The following AGPAT3 variants were observed in gnomAD, a reference collection of about 807,000 sequenced individuals.
AGPAT3 encodes 1-acylglycerol-3-phosphate O-acyltransferase 3, also known as 1-acyl-sn-glycerol-3-phosphate acyltransferase gamma.
AGPAT3 carries 5 observed loss-of-function variants against 47.3 expected under a neutral mutation model. The observed-to-expected ratio is 0.11, with a 90% CI of 0.06 to 0.22. AGPAT3 has a LOEUF of 0.22. Among genes scored for constraint, AGPAT3 ranks in the 10% least tolerant of loss-of-function variants. The probability of loss-of-function intolerance (pLI) is 1.00; values close to 1 mark genes in which losing one functional copy is unlikely to be tolerated. For missense variants in AGPAT3, 315 were observed against 493.0 expected (o/e 0.64, Z 3.42); for synonymous variants, 212 against 208.3 (o/e 1.02, Z -0.15).
chr21:43,977,456 C>A (rs2089659039), intron 7 of AGPAT3, among the ~76,000 whole-genome samples: 1 of 152,208 alleles, frequency 6.6e-6, no homozygotes, highest in South Asian at 2.1e-4. Context: ...CGTGGGCACC[C>A]TGGGGGTTAA....
chr21:43,893,891 A>C (rs2086154807), intron 1 of AGPAT3, among the ~76,000 whole-genome samples: 1 of 152,220 alleles, frequency 6.6e-6, no homozygotes, highest in Non-Finnish European at 1.5e-5. Context: ...AGGTATAACA[A>C]TCATGAAAAA....
intron 8 of AGPAT3, among the ~76,000 whole-genome samples, chr21:43,980,407 G>A (rs1463605484): frequency 6.6e-6 from 1 of 152,240 alleles, no homozygotes; most frequent in African/African-American, 2.4e-5. Flanking sequence ...ATCAGGCATG[G>A]TGATTTCCTG....
rs575028118 is a variant in AGPAT3, at chr21:43,980,686, G to T, written c.844-303G>T. Among the ~76,000 whole-genome samples the T allele has an allele frequency of 4.6e-5, 7 of 152,372 alleles. No individual in the cohort carries two copies. The South Asian group carries it at 1.4e-3, about 32-fold the overall frequency. On this transcript the variant is annotated intron_variant, in intron 8 of 9. Coordinates refer to ENST00000291572, the MANE Select transcript of AGPAT3 (RefSeq NM_020132.5). Reference sequence around the variant, plus strand: ...GGTGTGGGATGTGGCGGGTGGCCGGGGCAGTGCTGGGCAGGCAGGTGTTGG... The same window carrying T: ...GGTGTGGGATGTGGCGGGTGGCCGGTGCAGTGCTGGGCAGGCAGGTGTTGG...
At chr21:43,895,773 G>A (rs2086202263) in intron 1 of AGPAT3, among the ~76,000 whole-genome samples, 1 of 151,752 alleles carries the variant, frequency 6.6e-6, no homozygotes, top group Non-Finnish European at 1.5e-5. Flanking sequence ...TTTGTTTTTC[G>A]TGGGTTTTTT....
chr21:43,959,587 G>T (rs1231819983), intron 2 of AGPAT3, 47 bp from the exon 3 acceptor site: 4 of 1,560,068 alleles, frequency 2.6e-6, no homozygotes, highest in Admixed American at 3.4e-5. Flanking sequence ...TCCTGTGAGG[G>T]TGTGGGCGTG....
At chr21:43,919,182 C>T (rs890497142) in intron 2 of AGPAT3, among the ~76,000 whole-genome samples, 1 of 151,956 alleles carries the variant, frequency 6.6e-6, no homozygotes. Context: ...TTAAACTTCA[C>T]TAGTGTGTGG....
In AGPAT3 at chr21:43,878,567, A is replaced by G. The variant is rs76812116; in HGVS notation, c.-112+13222A>G. 5.2e-3 allele frequency among the ~76,000 whole-genome samples: 792 copies of G among 152,332 alleles called. 5 individuals carry two copies. The highest frequency in any genetic ancestry group is 0.018 in the African/African-American group (740 of 41,564). ...CTTCTCTAGTCAATGTCTTGAAGGT[A>G]AAGTCTACAGGTGGATTGCTGAGTA... is the stretch of plus-strand genomic sequence containing the variant. On this transcript the variant is annotated intron_variant, in intron 1 of 9. Transcript: ENST00000291572.
intron 2 of AGPAT3, among the ~76,000 whole-genome samples, chr21:43,957,068 G>GT (rs1316670709): frequency 6.6e-6 from 1 of 152,206 alleles, no homozygotes; most frequent in Non-Finnish European, 1.5e-5. Flanking sequence ...CAAGGGCCCA[G>GT]TGTCTGGGAG....
intron 7 of AGPAT3, among the ~76,000 whole-genome samples, chr21:43,973,707 T>A (rs951509938): frequency 6.6e-6 from 1 of 152,218 alleles, no homozygotes; most frequent in Non-Finnish European, 1.5e-5. Flanking sequence ...AGCAGCAGTG[T>A]CCCCGCGCGC....
rs997076166 is a variant in AGPAT3 at position 43,939,318 on chromosome 21, G to A, written c.-48-20316G>A. On this transcript the variant is annotated intron_variant, in intron 2 of 9. Coordinates refer to ENST00000291572, the MANE Select transcript of AGPAT3 (RefSeq NM_020132.5). This position sits in a 1 kb window ranked among gnomAD's most constrained non-coding sequence, Gnocchi z 4.4. ...CCCTTGATAACACCCCACCCCCGTC[G>A]CTGTTGTTGTCGGGGGCCTCCCGCG... Among the ~76,000 whole-genome samples the A allele has an allele frequency of 9.9e-5, 15 of 152,070 alleles. No individual in the cohort carries two copies. Among genetic ancestry groups the A allele is most frequent in the African/African-American group, 3.1e-4 (13 of 41,394 alleles).
Position 43,981,354 on chromosome 21 carries a change from A to C in AGPAT3, c.1042+167A>C, listed in dbSNP as rs1412790601. ...ACGGCCTGCGGGCCTCAGAGCCTGG[A>C]TTCTTGCACTGAGCTGAGGGTCGCC... On this transcript the variant is annotated intron_variant, in intron 9 of 9. Coordinates refer to ENST00000291572, the MANE Select transcript of AGPAT3 (RefSeq NM_020132.5). This position sits in a 1 kb window ranked among gnomAD's most constrained non-coding sequence, Gnocchi z 5.3. The C allele has an allele frequency of 1.3e-6, 1 of 744,326 alleles. No individual in the cohort carries two copies. The highest frequency in any genetic ancestry group is 2.2e-6 in the Non-Finnish European group (1 of 455,894). The allele number at this position is 744,326 out of a possible 1,614,324, so 46.1% of individuals were successfully genotyped here.
chr21:43,938,892 G>A (rs1162394268), intron 2 of AGPAT3, among the ~76,000 whole-genome samples: 1 of 152,172 alleles, frequency 6.6e-6, no homozygotes, highest in African/African-American at 2.4e-5. Context: ...CTTGTGGGGG[G>A]AAGGAGGGGC....
rs573131106 is a variant in AGPAT3, at chr21:43,985,157, A to C, written c.*2765A>C. 3.9e-5 allele frequency: 18 copies of C among 456,308 alleles called. No homozygotes were observed. The highest frequency in any genetic ancestry group is 3.6e-4 in the African/African-American group (18 of 50,212). 28.3% of individuals were successfully genotyped at this position (456,308 alleles called of 1,614,324 possible). On this transcript the variant is annotated 3_prime_UTR_variant, in exon 10 of 10. Transcript: ENST00000291572. ...GCCGCTGGCCTCCCAGCTTAGGCCC[A>C]GGTGCCAGGTGTCATGGGGTCTCCT...
At chr21:43,895,989 A>G (rs1296582222) in intron 1 of AGPAT3, among the ~76,000 whole-genome samples, 1 of 152,188 alleles carries the variant, frequency 6.6e-6, no homozygotes, top group Non-Finnish European at 1.5e-5. Flanking sequence ...GCTGGTCCCG[A>G]ACTCCTGACC....
intron 1 of AGPAT3, among the ~76,000 whole-genome samples, chr21:43,898,891 T>G (rs3788075): frequency 0.31 from 46,439 of 151,912 alleles, 7,940 homozygotes; most frequent in Non-Finnish European, 0.39. Context: ...TACTGTTTTT[T>G]TTTTTGTAGG....
At chr21:43,958,749 C>A (rs2088623501) in intron 2 of AGPAT3, among the ~76,000 whole-genome samples, 1 of 59,272 alleles carries the variant, frequency 1.7e-5, no homozygotes, top group East Asian at 4.3e-4. Context: ...GTGTGGTTTG[C>A]AGTGTGTAGT....
chr21:43,889,095 A>G (rs143505730), intron 1 of AGPAT3, among the ~76,000 whole-genome samples: 200 of 152,296 alleles, frequency 1.3e-3, no homozygotes, highest in African/African-American at 4.5e-3. Context: ...GTGCACAGTC[A>G]TGTCATCTGT....
intron 2 of AGPAT3, among the ~76,000 whole-genome samples, chr21:43,956,760 G>A (rs2088484654): frequency 6.6e-6 from 1 of 152,202 alleles, no homozygotes; most frequent in African/African-American, 2.4e-5. Context: ...CTCCCAGGTG[G>A]CCCCCTCAGG....
chr21:43,940,197 C>T (rs2087609354), intron 2 of AGPAT3, among the ~76,000 whole-genome samples: 1 of 152,258 alleles, frequency 6.6e-6, no homozygotes, highest in Middle Eastern at 3.2e-3. Flanking sequence ...GACACCTGCT[C>T]CCCGCAGGTC....
Sources: allele counts gnomAD v4.1 joint callset (sites outside exome capture counted in the v4.1 genomes callset), GRCh38; gene constraint gnomAD v4.1.1; non-coding constraint Gnocchi (gnomAD v3.1); transcripts MANE v1.5; gene names NCBI Gene and HGNC (gene_info 2026-07-23, HGNC 2026-07-21).